Variants in ACACB observed in about 807,000 individuals in gnomAD.
ACACB encodes acetyl-CoA carboxylase beta.
ACACB carries 209 observed loss-of-function variants against 278.8 expected under a neutral mutation model. The observed-to-expected ratio is 0.75, with a 90% confidence interval of 0.67 to 0.84. The LOEUF (loss-of-function observed/expected upper bound fraction) is 0.84. Among genes scored for constraint, ACACB ranks in the 40% least tolerant of loss-of-function variants. The pLI, the probability that ACACB is intolerant of heterozygous loss-of-function variation, is 0.00. For synonymous variants in ACACB, 1,174 were observed against 1,285.6 expected (o/e 0.91, Z 1.86); for missense variants, 2,850 against 3,269.0 (o/e 0.87, Z 3.13).
chr12:109,234,465 C>T (rs1441663077), intron 31 of ACACB, among the ~76,000 whole-genome samples: 1 of 152,054 alleles, frequency 6.6e-6, no homozygotes, highest in South Asian at 2.1e-4. Context: ...GTATTTCAGC[C>T]TGGGGGACAG....
intron 37 of ACACB, among the ~76,000 whole-genome samples, chr12:109,242,866 G>A (rs2046839860): frequency 6.6e-6 from 1 of 152,156 alleles, no homozygotes; most frequent in African/African-American, 2.4e-5. Context: ...CTTGAAGGCT[G>A]AGGCAGGAAG....
intron 33 of ACACB, among the ~76,000 whole-genome samples, chr12:109,236,793 G>A (rs1430434139): frequency 6.6e-6 from 1 of 151,310 alleles, no homozygotes; most frequent in Non-Finnish European, 1.5e-5. Context: ...TTTCTTTTCG[G>A]GGACCAATTT....
chr12:109,122,898 T>G (rs535603873), intron 1 of ACACB, among the ~76,000 whole-genome samples: 1 of 152,038 alleles, frequency 6.6e-6, no homozygotes, highest in East Asian at 1.9e-4. Flanking sequence ...ATAAAAAAAT[T>G]TAAGCTGGGT....
intron 18 of ACACB, among the ~76,000 whole-genome samples, chr12:109,199,934 A>C (rs1301067778): frequency 6.6e-6 from 1 of 150,840 alleles, no homozygotes; most frequent in East Asian, 2.0e-4. Flanking sequence ...GATGGCGTGA[A>C]GGCAGGAGGA....
At chr12:109,135,050 C>T (rs890110632) in intron 1 of ACACB, among the ~76,000 whole-genome samples, 2 of 152,180 alleles carry the variant, frequency 1.3e-5, no homozygotes, top group Admixed American at 6.5e-5. Context: ...ATTGCTGGAT[C>T]ATATGATAAT....
intron 16 of ACACB, among the ~76,000 whole-genome samples, chr12:109,196,075 G>C (rs1259836748): frequency 6.6e-6 from 1 of 152,168 alleles, no homozygotes; most frequent in Non-Finnish European, 1.5e-5. Context: ...GTCATAAACT[G>C]TGAATTTTAT....
At chr12:109,205,018 T>C (rs2136356875) in intron 19 of ACACB, among the ~76,000 whole-genome samples, 1 of 152,190 alleles carries the variant, frequency 6.6e-6, no homozygotes, top group South Asian at 2.1e-4. Flanking sequence ...CATGCCTGAC[T>C]AATTTTTGTA....
At chr12:109,213,580 T>C (rs1474514982) in intron 22 of ACACB, among the ~76,000 whole-genome samples, 1 of 152,094 alleles carries the variant, frequency 6.6e-6, no homozygotes, top group East Asian at 1.9e-4. Context: ...TGCAGGACTA[T>C]TCTGATGACA....
At chr12:109,143,462 C>CAAA (rs10696128) in intron 2 of ACACB, among the ~76,000 whole-genome samples, 2,708 of 103,190 alleles carry the variant, frequency 0.026, 92 homozygotes, top group African/African-American at 0.048. Flanking sequence ...GACCCTGTCT[C>CAAA]AAAAAAAAAA....
chr12:109,264,130 G>A, intron 49 of ACACB, 102 bp from the exon 50 acceptor site: 6 of 1,355,546 alleles, frequency 4.4e-6, no homozygotes, highest in Non-Finnish European at 4.1e-6. Context: ...GGCCTGTCCT[G>A]CAAATCCTGA....
chr12:109,174,826 CA>C (rs2044233885), intron 7 of ACACB, among the ~76,000 whole-genome samples: 1 of 152,106 alleles, frequency 6.6e-6, no homozygotes, highest in Non-Finnish European at 1.5e-5. Context: ...ACTATGGTGG[CA>C]CCACTGCACT....
Position 109,266,314 on chromosome 12 carries a change from G to A in ACACB, c.7329G>A (p.Ala2443=), listed in dbSNP as rs747678757. ...LSQHISPAER[A]QVVHLLSTMD... is the part of the protein sequence containing the mutation. Reference sequence around the variant, plus strand: ...AGCACATCAGCCCAGCTGAGCGGGCGCAGGTCGTTCACCTGCTGTCTACCA... The same window carrying A: ...AGCACATCAGCCCAGCTGAGCGGGCACAGGTCGTTCACCTGCTGTCTACCA... Residue 2443 remains alanine (A), a synonymous_variant, in exon 53 of 53, where the codon GCG becomes GCA. Transcript: ENST00000338432. 82 of 1,613,224 alleles carry A rather than the reference G, an allele frequency of 5.1e-5. No homozygotes were observed. The highest frequency in any genetic ancestry group is 1.6e-4 in the Middle Eastern group (1 of 6,080).
At chr12:109,117,991 C>G (rs544173261) in intron 1 of ACACB, among the ~76,000 whole-genome samples, 1 of 152,270 alleles carries the variant, frequency 6.6e-6, no homozygotes, top group South Asian at 2.1e-4. Flanking sequence ...CTCAAGTGAT[C>G]CGCCCGCCTC....
intron 36 of ACACB, 73 bp from the exon 37 acceptor site, chr12:109,242,364 G>C: frequency 6.6e-7 from 1 of 1,523,498 alleles, no homozygotes; most frequent in Non-Finnish European, 9.0e-7. Context: ...TTTCATTGAG[G>C]ACTGGGCAGA....
intron 22 of ACACB, among the ~76,000 whole-genome samples, chr12:109,213,995 C>G (rs1251504824): frequency 6.6e-6 from 1 of 151,912 alleles, no homozygotes; most frequent in South Asian, 2.1e-4. Flanking sequence ...TGGCTTATGC[C>G]TGTAATCCCA....
chr12:109,152,907 G>T (rs1433552655), intron 2 of ACACB, among the ~76,000 whole-genome samples: 1 of 152,062 alleles, frequency 6.6e-6, no homozygotes, highest in African/African-American at 2.4e-5. Flanking sequence ...GCCTCCCAAA[G>T]TGCTGGGATT....
Position 109,254,321 on chromosome 12 carries a change from A to T in ACACB, c.6153A>T (p.Gly2051=). 6.2e-7 allele frequency: 1 copy of T among 1,611,326 alleles called. No individual in the cohort carries two copies. The highest frequency in any genetic ancestry group is 8.5e-7 in the Non-Finnish European group (1 of 1,179,596). ...ACGACCCCCGGTGGATGCTTGCAGG[A>T]AGGCCTCACCCAAGTAAGTTCTAAA... ...APYDPRWMLA[G]RPHPTLKGTW... The change falls in exon 44 of 53, where the codon GGA becomes GGT. Residue 2051 remains glycine, a synonymous_variant. Transcript: ENST00000338432.
intron 37 of ACACB, among the ~76,000 whole-genome samples, chr12:109,243,585 C>T (rs1038720531): frequency 5.9e-5 from 9 of 151,788 alleles, no homozygotes; most frequent in Non-Finnish European, 1.3e-4. Context: ...GGTGACAGAG[C>T]GAGACTCTGT....
In ACACB at chr12:109,260,599, G is replaced by T; in HGVS notation, c.6616G>T (p.Val2206Phe). The change falls in exon 48 of 53, where the codon GTC (valine) becomes TTC (phenylalanine). Residue 2206 changes from valine (V) to phenylalanine (F), a missense_variant. By Grantham distance (50) the Val-to-Phe change is conservative. Coordinates refer to ENST00000338432, the MANE Select transcript of ACACB (RefSeq NM_001093.4). ...YAELRGGSWV[V>F]IDATINPLCI... The stretch of plus-strand genomic sequence containing the variant: ...GGAGCTCCGGGGAGGCTCCTGGGTG[G>T]TCATAGATGCCACCATCAACCCGCT... The T allele has an allele frequency of 6.2e-7, 1 of 1,610,434 alleles. No individual in the cohort carries two copies. The highest frequency in any genetic ancestry group is 1.1e-5 in the South Asian group (1 of 90,592).
Sources: allele counts gnomAD v4.1 joint callset (sites outside exome capture counted in the v4.1 genomes callset), GRCh38; gene constraint gnomAD v4.1.1; transcripts MANE v1.5; gene names NCBI Gene and HGNC (gene_info 2026-07-23, HGNC 2026-07-21).